FSTL5: variants seen among roughly 807,000 people sequenced by gnomAD.
The protein encoded by FSTL5 is follistatin-related protein 5.
FSTL5 carries 62 observed loss-of-function variants against 89.1 expected under a neutral mutation model. The ratio of observed to expected loss-of-function variants is 0.70; its 90% CI spans 0.57 to 0.86. FSTL5 has a LOEUF of 0.86. Among genes scored for constraint, FSTL5 ranks in the 40% least tolerant of loss-of-function variants. The probability of loss-of-function intolerance (pLI) is 0.00; values close to 1 mark genes in which losing one functional copy is unlikely to be tolerated. For missense variants in FSTL5, 1,057 were observed against 1,001.6 expected, an observed-to-expected ratio of 1.06 and a Z score of -0.75; for synonymous variants, 383 against 346.2, an observed-to-expected ratio of 1.11 and a Z score of -1.18.
At chr4:161,554,170 G>A (rs1252116077) in intron 8 of FSTL5, among the ~76,000 whole-genome samples, 1 of 151,250 alleles carries the variant, frequency 6.6e-6, no homozygotes, top group Non-Finnish European at 1.5e-5. Context: ...AAACTTTGGT[G>A]TTTATATGGA....
chr4:162,002,159 C>T (rs1736483605), intron 3 of FSTL5, among the ~76,000 whole-genome samples: 2 of 152,246 alleles, frequency 1.3e-5, no homozygotes, highest in Middle Eastern at 3.4e-3. Context: ...TTTATGATTT[C>T]ATATACAACC....
intron 7 of FSTL5, among the ~76,000 whole-genome samples, chr4:161,623,719 A>T (rs1052227950): frequency 2.6e-5 from 4 of 151,918 alleles, no homozygotes; most frequent in Non-Finnish European, 4.4e-5. Flanking sequence ...TTCTGGCATG[A>T]TATGATACTT....
At chr4:161,420,091 G>A (rs188606615) in intron 15 of FSTL5, among the ~76,000 whole-genome samples, 216 of 152,320 alleles carry the variant, frequency 1.4e-3, no homozygotes, top group Non-Finnish European at 2.6e-3. Context: ...CCCTTGGGGC[G>A]TCTCTTAGTA....
At chr4:161,433,120 A>G (rs1578969858) in intron 15 of FSTL5, among the ~76,000 whole-genome samples, 1 of 10,154 alleles carries the variant, frequency 9.8e-5, no homozygotes, top group South Asian at 0.031. Flanking sequence ...AGACACATTA[A>G]AAAAAAAAAA....
At chr4:161,802,716 CT>C (rs1400536350) in intron 4 of FSTL5, among the ~76,000 whole-genome samples, 3 of 151,574 alleles carry the variant, frequency 2.0e-5, no homozygotes, top group Non-Finnish European at 4.4e-5. Context: ...AATATTTATG[CT>C]GCTATTGAAC....
At chr4:161,969,774 T>C (rs998257756) in intron 3 of FSTL5, among the ~76,000 whole-genome samples, 3 of 152,062 alleles carry the variant, frequency 2.0e-5, no homozygotes, top group Non-Finnish European at 4.4e-5. Context: ...ATAAGAACCT[T>C]TTTTTGGAGG....
chr4:161,886,506 G>A (rs1398424339), intron 4 of FSTL5, among the ~76,000 whole-genome samples: 2 of 152,158 alleles, frequency 1.3e-5, no homozygotes. Flanking sequence ...CTCTACATTA[G>A]AAGAAATGTA....
chr4:162,122,478 T>C (rs536794791), intron 1 of FSTL5, among the ~76,000 whole-genome samples: 1 of 152,256 alleles, frequency 6.6e-6, no homozygotes, highest in South Asian at 2.1e-4. Flanking sequence ...TAGTTTCTTT[T>C]TCCACCTTCC....
intron 4 of FSTL5, among the ~76,000 whole-genome samples, chr4:161,912,317 G>T (rs1733716493): frequency 6.6e-6 from 1 of 152,102 alleles, no homozygotes; most frequent in South Asian, 2.1e-4. Flanking sequence ...ACATGGTTTG[G>T]CTGTGTCCCC....
intron 12 of FSTL5, among the ~76,000 whole-genome samples, chr4:161,486,855 A>G (rs940778859): frequency 6.6e-6 from 1 of 152,216 alleles, no homozygotes; most frequent in African/African-American, 2.4e-5. Flanking sequence ...TTACAAATGT[A>G]TAACTTTTAT....
intron 4 of FSTL5, among the ~76,000 whole-genome samples, chr4:161,790,295 G>A (rs758059922): frequency 1.3e-5 from 2 of 152,174 alleles, no homozygotes; most frequent in Admixed American, 6.5e-5. Context: ...TAAGAAAGGT[G>A]TCCACCTGAG....
At chr4:161,397,855 G>A (rs978435373) in intron 15 of FSTL5, among the ~76,000 whole-genome samples, 1 of 151,584 alleles carries the variant, frequency 6.6e-6, no homozygotes, top group African/African-American at 2.4e-5. Context: ...TGTAACAAAT[G>A]GCTATTACTC....
At chr4:161,501,662 G>A (rs1730297164) in intron 11 of FSTL5, among the ~76,000 whole-genome samples, 1 of 151,730 alleles carries the variant, frequency 6.6e-6, no homozygotes, top group Non-Finnish European at 1.5e-5. Flanking sequence ...TAATTCCAGA[G>A]AGCAATGCAT....
chr4:161,463,437 AT>A (rs1733646450), intron 13 of FSTL5, among the ~76,000 whole-genome samples: 2 of 152,200 alleles, frequency 1.3e-5, no homozygotes, highest in Admixed American at 6.5e-5. Context: ...TACAAGAAAC[AT>A]TTATATGATT....
At chr4:162,129,591 G>C (rs2111454427) in intron 1 of FSTL5, among the ~76,000 whole-genome samples, 1 of 152,272 alleles carries the variant, frequency 6.6e-6, no homozygotes, top group East Asian at 1.9e-4. Flanking sequence ...GCTGTGTAAT[G>C]GTGAAACTTT....
At position 161,426,040 on chromosome 4, in the gene FSTL5, TG is replaced by T. The variant is rs549218787; in HGVS notation, c.1841+28963del. Among the ~76,000 whole-genome samples the T allele has an allele frequency of 1.7e-3, 251 of 152,102 alleles. 1 individual carries two copies. The highest frequency in any genetic ancestry group is 6.8e-3 in the Middle Eastern group (2 of 294). On this transcript the variant is annotated intron_variant, in intron 15 of 15. Coordinates refer to ENST00000306100, the MANE Select transcript of FSTL5 (RefSeq NM_020116.5). Reference sequence around the variant, plus strand: ...AAAAAGGGTTGGAAAATATGCTTAATGAAAAAAATGAACATCTTCTAGTTAA... The same window carrying T: ...AAAAAGGGTTGGAAAATATGCTTAATAAAAAAATGAACATCTTCTAGTTAA...
intron 7 of FSTL5, among the ~76,000 whole-genome samples, chr4:161,613,235 G>A (rs1439044806): frequency 2.0e-5 from 3 of 152,046 alleles, no homozygotes; most frequent in Non-Finnish European, 4.4e-5. Flanking sequence ...GGGGAATCAC[G>A]AGGTCAAGAA....
At chr4:161,806,558 T>G (rs910183613) in intron 4 of FSTL5, among the ~76,000 whole-genome samples, 2 of 152,188 alleles carry the variant, frequency 1.3e-5, no homozygotes, top group African/African-American at 4.8e-5. Context: ...CAAGTCACTG[T>G]TGACAATAAA....
chr4:161,416,468 C>A (rs956455091), intron 15 of FSTL5, among the ~76,000 whole-genome samples: 14 of 152,084 alleles, frequency 9.2e-5, no homozygotes, highest in Non-Finnish European at 2.9e-5. Flanking sequence ...ATTACTTGCT[C>A]TGTCATCATG....
Sources: allele counts gnomAD v4.1 joint callset (sites outside exome capture counted in the v4.1 genomes callset), GRCh38; gene constraint gnomAD v4.1.1; transcripts MANE v1.5; gene names NCBI Gene and HGNC (gene_info 2026-07-23, HGNC 2026-07-21).